PRUNE2: variants seen among roughly 807,000 people sequenced by gnomAD.
The protein encoded by PRUNE2 is protein prune homolog 2.
A neutral mutation model predicts 252.0 loss-of-function variants in PRUNE2; 164 were observed. The observed-to-expected ratio is 0.65, with a 90% CI of 0.57 to 0.74. The LOEUF is 0.74. Among genes scored for constraint, PRUNE2 ranks in the 30% least tolerant of loss-of-function variants. The probability of loss-of-function intolerance (pLI) is 0.00; values close to 1 mark genes in which losing one functional copy is unlikely to be tolerated. For synonymous variants in PRUNE2, 1,292 were observed against 1,350.2 expected (o/e 0.96, Z 0.94); for missense variants, 3,495 against 3,711.0 (o/e 0.94, Z 1.51).
At chr9:76,791,573 C>T (rs1298239426) in intron 6 of PRUNE2, among the ~76,000 whole-genome samples, 5 of 139,734 alleles carry the variant, frequency 3.6e-5, no homozygotes, top group Middle Eastern at 3.5e-3. Context: ...CACCAATTAT[C>T]ATTGGTACAA....
At chr9:76,733,341 T>C (rs1280276077) in intron 6 of PRUNE2, among the ~76,000 whole-genome samples, 1 of 152,188 alleles carries the variant, frequency 6.6e-6, no homozygotes, top group African/African-American at 2.4e-5. Flanking sequence ...CTTCATTCCT[T>C]GGCTCTCTAG....
intron 18 of PRUNE2, chr9:76,615,077 A>G: frequency 1.0e-6 from 1 of 986,314 alleles, no homozygotes; most frequent in Non-Finnish European, 1.2e-6. Flanking sequence ...AAAGGAATTG[A>G]CTGAAAGGGG....
rs151140026 is a variant in PRUNE2, at chr9:76,703,779, C to T, written c.7834G>A (p.Glu2612Lys). Residue 2612 changes from glutamate (E) to lysine (K), a missense_variant, in exon 9 of 19, where the codon GAG becomes AAG. Coordinates refer to ENST00000376718, the MANE Select transcript of PRUNE2 (RefSeq NM_015225.3). ...SLNERKGLSA[E>K]KMSSKSDTRS... The stretch of plus-strand genomic sequence containing the variant: ...GTATCGCTTTTAGAAGACATTTTCT[C>T]TGCAGAGAGACCTTTTCTTTCATTT... 1 of 1,613,864 alleles carries T rather than the reference C, an allele frequency of 6.2e-7. No homozygotes were observed. Among genetic ancestry groups the T allele is most frequent in the African/African-American group, 1.3e-5 (1 of 75,036 alleles).
chr9:76,831,017 C>G (rs1483888671), intron 4 of PRUNE2, among the ~76,000 whole-genome samples: 1 of 151,670 alleles, frequency 6.6e-6, no homozygotes, highest in East Asian at 1.9e-4. Flanking sequence ...GCAAGCTCCA[C>G]CTCCCGGGTT....
intron 6 of PRUNE2, among the ~76,000 whole-genome samples, chr9:76,728,196 G>A (rs1210458553): frequency 6.6e-6 from 1 of 152,128 alleles, no homozygotes; most frequent in Non-Finnish European, 1.5e-5. Flanking sequence ...CCTGATAACA[G>A]GCTACCAGCA....
chr9:76,827,932 T>A (rs1315470403), intron 4 of PRUNE2, among the ~76,000 whole-genome samples: 1 of 152,244 alleles, frequency 6.6e-6, no homozygotes, highest in Non-Finnish European at 1.5e-5. Context: ...AAGCATTTCA[T>A]CCATTCATTC....
intron 5 of PRUNE2, 64 bp from the exon 6 acceptor site, chr9:76,823,790 A>T (rs2058180420): frequency 4.1e-6 from 4 of 971,064 alleles, no homozygotes; most frequent in Non-Finnish European, 4.8e-6. Flanking sequence ...TGTAATATCA[A>T]GCGATGTTTT....
Position 76,705,848 on chromosome 9 carries a change from A to C in PRUNE2, c.6426T>G (p.Asp2142Glu), listed in dbSNP as rs778662293. Residue 2142 changes from aspartate to glutamate, a missense_variant, in exon 8 of 19, where the codon GAT becomes GAG. Asp to Glu is a conservative substitution (Grantham distance 45, BLOSUM62 2). Transcript: ENST00000376718. ...GTCCAGGCTCATAAATGGGTTCTTCATCTATCTCTGGCTCAGTGAGACAAA... is the reference window on the plus strand; with the variant it reads ...GTCCAGGCTCATAAATGGGTTCTTCCTCTATCTCTGGCTCAGTGAGACAAA... ...SELCLTEPEI[D>E]EEPIYEPGRE... The C allele has an allele frequency of 1.9e-6, 3 of 1,613,660 alleles. No individual in the cohort carries two copies. Among genetic ancestry groups the C allele is most frequent in the Non-Finnish European group, 2.5e-6 (3 of 1,179,896 alleles).
At chr9:76,644,369 T>G in intron 12 of PRUNE2, 1 of 266,904 alleles carries the variant, frequency 3.7e-6, no homozygotes, top group South Asian at 3.8e-5. Context: ...TCGGGGGTAG[T>G]GTTATGACAC....
intron 6 of PRUNE2, among the ~76,000 whole-genome samples, chr9:76,732,042 C>T (rs557518928): frequency 1.3e-5 from 2 of 152,150 alleles, no homozygotes; most frequent in African/African-American, 4.8e-5. Flanking sequence ...TGGCCGGGCG[C>T]GGTGGCTCAC....
chr9:76,884,981 T>A (rs1309369960), intron 1 of PRUNE2, among the ~76,000 whole-genome samples: 1 of 152,122 alleles, frequency 6.6e-6, no homozygotes, highest in Non-Finnish European at 1.5e-5. Context: ...TAACCACCAG[T>A]AAGAGGAAAC....
chr9:76,788,886 G>T (rs2055282649), intron 6 of PRUNE2, among the ~76,000 whole-genome samples: 1 of 152,192 alleles, frequency 6.6e-6, no homozygotes, highest in Admixed American at 6.5e-5. Flanking sequence ...TCAGGAAAGG[G>T]TATGTATATA....
At chr9:76,837,318 T>G (rs1401640690) in intron 4 of PRUNE2, among the ~76,000 whole-genome samples, 1 of 152,044 alleles carries the variant, frequency 6.6e-6, no homozygotes, top group Non-Finnish European at 1.5e-5. Flanking sequence ...GGCGGGCACC[T>G]GCAGTCCCAA....
At chr9:76,900,968 C>T (rs2063135652) in intron 1 of PRUNE2, among the ~76,000 whole-genome samples, 1 of 152,194 alleles carries the variant, frequency 6.6e-6, no homozygotes, top group African/African-American at 2.4e-5. Context: ...AAGCCATCAG[C>T]TGTTTACTTA....
chr9:76,620,580 TGAA>T (rs1831851829), intron 17 of PRUNE2, among the ~76,000 whole-genome samples: 1 of 152,210 alleles, frequency 6.6e-6, no homozygotes, highest in Non-Finnish European at 1.5e-5. Flanking sequence ...GGATCCATGA[TGAA>T]GGTCAGGTGT....
rs1366966230 is a variant in PRUNE2 at position 76,751,001 on chromosome 9, G to T, written c.757-37280C>A. Among the ~76,000 whole-genome samples the T allele has an allele frequency of 3.9e-5, 6 of 152,284 alleles. No individual in the cohort carries two copies. The East Asian group carries it at 7.7e-4, about 20-fold the overall frequency. On this transcript the variant is annotated intron_variant, in intron 6 of 18. Coordinates refer to ENST00000376718, the MANE Select transcript of PRUNE2 (RefSeq NM_015225.3). ...GAGACAAGTATAAAGATTAAGGAAA[G>T]AAATGATTAATGTTCAACAGAAGGC...
chr9:76,660,101 A>G (rs2133546437), intron 9 of PRUNE2, among the ~76,000 whole-genome samples: 1 of 152,286 alleles, frequency 6.6e-6, no homozygotes, highest in South Asian at 2.1e-4. Context: ...AATAAGATTA[A>G]GTCCACAGGT....
chr9:76,667,311 T>C (rs1327352454), intron 9 of PRUNE2, among the ~76,000 whole-genome samples: 1 of 152,182 alleles, frequency 6.6e-6, no homozygotes, highest in African/African-American at 2.4e-5. Flanking sequence ...GGGGGAAAAG[T>C]AGACCATTGT....
chr9:76,713,612 G>A lies in PRUNE2; in HGVS notation c.866C>T (p.Pro289Leu), dbSNP rs370383759. 9.1e-5 allele frequency: 146 copies of A among 1,606,460 alleles called. No homozygotes were observed. The highest frequency in any genetic ancestry group is 6.5e-4 in the African/African-American group (49 of 74,818). The change falls in exon 7 of 19, where the codon CCG (proline) becomes CTG (leucine). Residue 289 changes from proline (P) to leucine (L), a missense_variant. Coordinates refer to ENST00000376718, the MANE Select transcript of PRUNE2 (RefSeq NM_015225.3). ...FSSYLSEEQQ[P>L]RRQIAVYSEN... ...TGAGTACACAGCAATCTGTCGTCTC[G>A]GCTGCTGCTCCTCTGACAGATAGCT...
Sources: gnomAD v4.1 joint callset for allele counts (sites outside exome capture counted in the v4.1 genomes callset) on GRCh38, gnomAD v4.1.1 for gene constraint, MANE v1.5 for transcripts, NCBI Gene and HGNC (gene_info 2026-07-23, HGNC 2026-07-21) for gene names.